AUTS2: variants seen among roughly 807,000 people sequenced by gnomAD.
The protein encoded by AUTS2 is activator of transcription and developmental regulator AUTS2.
In AUTS2, 17 loss-of-function variants were observed where a neutral mutation model predicts 112.4. That is an observed-to-expected ratio of 0.15 (90% CI 0.10 to 0.23). The LOEUF (loss-of-function observed/expected upper bound fraction) is 0.23, where lower values mean the gene tolerates loss of function less well. AUTS2 is among the 10% of genes least tolerant of loss of function. AUTS2 has a pLI of 1.00. For synonymous variants in AUTS2, 751 were observed against 702.7 expected, an observed-to-expected ratio of 1.07 and a Z score of -1.09; for missense variants, 1,510 against 1,701.6, an observed-to-expected ratio of 0.89 and a Z score of 1.98.
At chr7:69,929,789 T>C (rs1796160219) in intron 2 of AUTS2, among the ~76,000 whole-genome samples, 1 of 152,242 alleles carries the variant, frequency 6.6e-6, no homozygotes, top group East Asian at 1.9e-4. Context: ...TTGTTTGCAA[T>C]TAACCTCAGT....
chr7:70,113,976 G>T (rs1365380191), intron 2 of AUTS2, among the ~76,000 whole-genome samples: 2 of 152,172 alleles, frequency 1.3e-5, no homozygotes, highest in Non-Finnish European at 1.5e-5. Context: ...ACTGTAATGG[G>T]ATCACAATTT....
chr7:70,156,053 G>C (rs1021079972), intron 4 of AUTS2, among the ~76,000 whole-genome samples: 53 of 152,110 alleles, frequency 3.5e-4, no homozygotes, highest in Admixed American at 9.8e-4. Context: ...TGTCTGACCG[G>C]ATTGTCTCCA....
chr7:70,450,842 G>C (rs1328907047), intron 5 of AUTS2, among the ~76,000 whole-genome samples: 4 of 152,142 alleles, frequency 2.6e-5, no homozygotes, highest in Admixed American at 1.3e-4. Context: ...TGATGATTTT[G>C]TGACCACTGG....
At chr7:70,671,658 A>AC (rs11444252) in intron 5 of AUTS2, among the ~76,000 whole-genome samples, 14,250 of 152,072 alleles carry the variant, frequency 0.094, 748 homozygotes, top group African/African-American at 0.13. Flanking sequence ...GCAAGTAATA[A>AC]CCCCCCCTAT....
chr7:70,221,114 C>G (rs964886696), intron 4 of AUTS2, among the ~76,000 whole-genome samples: 2 of 152,146 alleles, frequency 1.3e-5, no homozygotes, highest in African/African-American at 4.8e-5. Context: ...CACTATGTTG[C>G]CCAGAGTGGT....
At chr7:69,797,368 T>C (rs1383893742) in intron 1 of AUTS2, among the ~76,000 whole-genome samples, 2 of 152,192 alleles carry the variant, frequency 1.3e-5, no homozygotes, top group African/African-American at 4.8e-5. Flanking sequence ...TATGTGCAGA[T>C]CCCGAATCTG....
At chr7:70,273,369 G>A (rs1051315834) in intron 4 of AUTS2, among the ~76,000 whole-genome samples, 2 of 152,002 alleles carry the variant, frequency 1.3e-5, no homozygotes, top group Non-Finnish European at 2.9e-5. Context: ...TTTGTGATTT[G>A]TTGTAATTTG....
At chr7:70,054,113 T>TA (rs1478268095) in intron 2 of AUTS2, among the ~76,000 whole-genome samples, 2 of 152,194 alleles carry the variant, frequency 1.3e-5, no homozygotes, top group Non-Finnish European at 2.9e-5. Flanking sequence ...ACTAGCCACA[T>TA]ATGCATTTGA....
At chr7:70,777,338 T>C (rs1790771553) in intron 14 of AUTS2, 164 bp downstream of exon 14, 1 of 667,124 alleles carries the variant, frequency 1.5e-6, no homozygotes, top group Non-Finnish European at 2.6e-6. Context: ...TCTTACTTAT[T>C]TTTTCCTAGA....
chr7:70,744,008 AAG>A (rs1463097607), intron 6 of AUTS2, among the ~76,000 whole-genome samples: 1 of 128,600 alleles, frequency 7.8e-6, no homozygotes, highest in Non-Finnish European at 1.6e-5. Flanking sequence ...CCTGTTTTGT[AAG>A]AGAGGCTATC....
At chr7:69,971,823 A>C (rs1414519454) in intron 2 of AUTS2, among the ~76,000 whole-genome samples, 1 of 152,292 alleles carries the variant, frequency 6.6e-6, no homozygotes, top group East Asian at 1.9e-4. Flanking sequence ...GGTGTACCAT[A>C]GTTTATTTAA....
intron 1 of AUTS2, among the ~76,000 whole-genome samples, chr7:69,664,352 C>T (rs567056062): frequency 7.8e-4 from 119 of 152,180 alleles, no homozygotes; most frequent in Middle Eastern, 6.8e-3. Context: ...TATTAGCATT[C>T]ATTAAGTCAA....
chr7:70,779,301 T>C (rs867751062), intron 14 of AUTS2, among the ~76,000 whole-genome samples: 8 of 152,248 alleles, frequency 5.3e-5, no homozygotes, highest in Admixed American at 2.0e-4. Flanking sequence ...AACGTTCATT[T>C]ACGCATTCTT....
At chr7:69,634,917 A>G (rs1381768761) in intron 1 of AUTS2, among the ~76,000 whole-genome samples, 1 of 152,300 alleles carries the variant, frequency 6.6e-6, no homozygotes, top group Middle Eastern at 3.4e-3. Flanking sequence ...TCCCTCCCAA[A>G]GAGACTATGA....
At chr7:69,966,818 G>A (rs930253272) in intron 2 of AUTS2, among the ~76,000 whole-genome samples, 4 of 152,024 alleles carry the variant, frequency 2.6e-5, no homozygotes, top group Non-Finnish European at 4.4e-5. Flanking sequence ...TTTCTTGGAA[G>A]TTTAATGAGT....
intron 1 of AUTS2, among the ~76,000 whole-genome samples, chr7:69,744,323 A>G (rs995778808): frequency 1.3e-5 from 2 of 152,154 alleles, no homozygotes; most frequent in Non-Finnish European, 1.5e-5. Flanking sequence ...GTAAATATCT[A>G]GGAGTAGAAC....
intron 5 of AUTS2, among the ~76,000 whole-genome samples, chr7:70,511,167 TAGCA>T (rs1251415547): frequency 2.0e-5 from 3 of 151,922 alleles, no homozygotes; most frequent in Admixed American, 2.0e-4. Flanking sequence ...TTAATTAGCA[TAGCA>T]AAAGCCTTTT....
chr7:70,727,104 G>C (rs1175772979), intron 6 of AUTS2, among the ~76,000 whole-genome samples: 9 of 152,144 alleles, frequency 5.9e-5, no homozygotes, highest in Admixed American at 5.2e-4. Context: ...GTAACTTTCA[G>C]AACCTCTGCA....
At chr7:69,991,607 CAA>C (rs1798744393) in intron 2 of AUTS2, among the ~76,000 whole-genome samples, 1 of 152,104 alleles carries the variant, frequency 6.6e-6, no homozygotes, top group East Asian at 1.9e-4. Flanking sequence ...TACCACATGA[CAA>C]GAGAAGAAAT....
Sources: gnomAD v4.1 joint callset for allele counts (sites outside exome capture counted in the v4.1 genomes callset) on GRCh38, gnomAD v4.1.1 for gene constraint, MANE v1.5 for transcripts, NCBI Gene and HGNC (gene_info 2026-07-23, HGNC 2026-07-21) for gene names.